KCND2: variants seen among roughly 807,000 people sequenced by gnomAD.
The protein encoded by KCND2 is A-type voltage-gated potassium channel KCND2.
Under a neutral mutation model 54.4 loss-of-function variants are expected in KCND2, and 16 were observed. That is an observed-to-expected ratio of 0.29 (90% CI 0.20 to 0.45). The LOEUF (loss-of-function observed/expected upper bound fraction) is 0.45. Ranked by LOEUF, KCND2 falls within the 20% of genes least tolerant of loss-of-function variation. KCND2 has a pLI of 1.00. For missense variants in KCND2, 486 were observed against 824.2 expected, an observed-to-expected ratio of 0.59 and a Z score of 5.02; for synonymous variants, 317 against 310.7, an observed-to-expected ratio of 1.02 and a Z score of -0.21.
At chr7:120,493,294 A>G (rs1199243677) in intron 1 of KCND2, among the ~76,000 whole-genome samples, 2 of 151,892 alleles carry the variant, frequency 1.3e-5, no homozygotes, top group South Asian at 2.1e-4. Context: ...TAAAGCAATG[A>G]TAAATATTTT....
intron 1 of KCND2, among the ~76,000 whole-genome samples, chr7:120,381,169 C>T (rs200891617): frequency 6.4e-4 from 97 of 152,016 alleles, no homozygotes; most frequent in Middle Eastern, 3.4e-3. Flanking sequence ...GCAGGAGAAT[C>T]GCTTGAACCC....
intron 1 of KCND2, among the ~76,000 whole-genome samples, chr7:120,364,764 GAGGATGAGGA>G (rs1800643108): frequency 6.6e-6 from 1 of 152,090 alleles, no homozygotes; most frequent in African/African-American, 2.4e-5. Flanking sequence ...GGGAGTGGTA[GAGGATGAGGA>G]ACCTAATCAG....
intron 1 of KCND2, among the ~76,000 whole-genome samples, chr7:120,287,521 C>T (rs1799363913): frequency 6.6e-6 from 1 of 152,098 alleles, no homozygotes; most frequent in South Asian, 2.1e-4. Context: ...CTATCATTTT[C>T]ATCCTATTTT....
At chr7:120,458,386 A>AATAG (rs1220811134) in intron 1 of KCND2, among the ~76,000 whole-genome samples, 3 of 152,224 alleles carry the variant, frequency 2.0e-5, no homozygotes, top group African/African-American at 4.8e-5. Flanking sequence ...ACCAAGACTC[A>AATAG]ATAGATGAGA....
intron 1 of KCND2, among the ~76,000 whole-genome samples, chr7:120,470,126 T>C (rs1251786896): frequency 1.3e-5 from 2 of 152,162 alleles, no homozygotes; most frequent in Admixed American, 1.3e-4. Flanking sequence ...GATTAATATT[T>C]ATTCTACACT....
At chr7:120,515,803 T>C (rs1047612301) in intron 1 of KCND2, among the ~76,000 whole-genome samples, 3 of 152,024 alleles carry the variant, frequency 2.0e-5, no homozygotes, top group Admixed American at 2.0e-4. Context: ...AAGCCAAACG[T>C]TGAAATGGCA....
At chr7:120,471,500 A>G (rs932393473) in intron 1 of KCND2, among the ~76,000 whole-genome samples, 8 of 152,060 alleles carry the variant, frequency 5.3e-5, no homozygotes, top group East Asian at 1.9e-4. Flanking sequence ...AATCACCTAC[A>G]TTTGATATTG....
intron 1 of KCND2, among the ~76,000 whole-genome samples, chr7:120,531,706 C>T (rs540056779): frequency 1.2e-4 from 19 of 152,124 alleles, no homozygotes; most frequent in Non-Finnish European, 2.6e-4. Context: ...AGTTCTCAGA[C>T]TTCACCTTAT....
At chr7:120,295,952 A>G (rs1799507918) in intron 1 of KCND2, among the ~76,000 whole-genome samples, 1 of 152,068 alleles carries the variant, frequency 6.6e-6, no homozygotes, top group Non-Finnish European at 1.5e-5. Context: ...ATTATTTCCC[A>G]AGGAATAATT....
At chr7:120,745,668 G>A (rs1274391599) in intron 4 of KCND2, 112 bp from the exon 5 acceptor site, 3 of 1,093,576 alleles carry the variant, frequency 2.7e-6, no homozygotes, top group African/African-American at 1.6e-5. Context: ...TTTAACCATT[G>A]TATCAAGTCT....
intron 1 of KCND2, among the ~76,000 whole-genome samples, chr7:120,654,578 A>G (rs562436838): frequency 1.3e-5 from 2 of 152,332 alleles, no homozygotes; most frequent in South Asian, 4.1e-4. Context: ...TAAATATTCA[A>G]CAAGATGGGG....
chr7:120,363,317 C>T (rs976979636), intron 1 of KCND2, among the ~76,000 whole-genome samples: 1 of 151,986 alleles, frequency 6.6e-6, no homozygotes, highest in Non-Finnish European at 1.5e-5. Flanking sequence ...ATATATATCT[C>T]CTTGGATGTC....
chr7:120,716,851 C>T (rs1792609366), intron 1 of KCND2, among the ~76,000 whole-genome samples: 1 of 151,996 alleles, frequency 6.6e-6, no homozygotes, highest in Non-Finnish European at 1.5e-5. Flanking sequence ...CAGCAGTCCC[C>T]CATTATCTGA....
intron 1 of KCND2, among the ~76,000 whole-genome samples, chr7:120,573,317 A>G (rs1211851237): frequency 6.6e-6 from 1 of 152,190 alleles, no homozygotes; most frequent in African/African-American, 2.4e-5. Context: ...GCGATTGTAA[A>G]ATACATATTC....
chr7:120,686,055 G>T (rs563314668), intron 1 of KCND2, among the ~76,000 whole-genome samples: 4 of 152,136 alleles, frequency 2.6e-5, no homozygotes, highest in Non-Finnish European at 5.9e-5. Flanking sequence ...GCAAAGAAAG[G>T]CATTAATACT....
At chr7:120,667,431 A>G (rs1410374480) in intron 1 of KCND2, among the ~76,000 whole-genome samples, 1 of 152,024 alleles carries the variant, frequency 6.6e-6, no homozygotes, top group East Asian at 1.9e-4. Flanking sequence ...TCTCATCTTC[A>G]TCTCCAATAA....
intron 1 of KCND2, among the ~76,000 whole-genome samples, chr7:120,657,544 C>A (rs1369644078): frequency 6.6e-6 from 1 of 152,036 alleles, no homozygotes; most frequent in Non-Finnish European, 1.5e-5. Context: ...ATCCGTAGGG[C>A]CTTCAAAAAC....
At chr7:120,298,166 A>G (rs1427541471) in intron 1 of KCND2, among the ~76,000 whole-genome samples, 1 of 152,200 alleles carries the variant, frequency 6.6e-6, no homozygotes, top group Non-Finnish European at 1.5e-5. Context: ...ATTTCTAAAG[A>G]TGCATAATTG....
chr7:120,276,461 A>AT (rs11431838), intron 1 of KCND2, among the ~76,000 whole-genome samples: 19,863 of 151,260 alleles, frequency 0.13, 1,392 homozygotes, highest in African/African-American at 0.18. Context: ...TCATCCACAC[A>AT]TTTTTTTTTA....
Sources: allele counts gnomAD v4.1 joint callset (sites outside exome capture counted in the v4.1 genomes callset), GRCh38; gene constraint gnomAD v4.1.1; transcripts MANE v1.5; gene names NCBI Gene and HGNC (gene_info 2026-07-23, HGNC 2026-07-21).